Variants in CMTM8 observed in about 807,000 individuals in gnomAD.
CMTM8 encodes CKLF like MARVEL transmembrane domain containing 8, also known as CKLF-like MARVEL transmembrane domain-containing protein 8.
CMTM8 carries 12 observed loss-of-function variants against 18.6 expected under a neutral mutation model. The ratio of observed to expected loss-of-function variants is 0.65; its 90% CI spans 0.41 to 1.05. CMTM8 has a LOEUF of 1.05. CMTM8 is among the 50% of genes least tolerant of loss of function. The probability of loss-of-function intolerance (pLI) is 0.00; values close to 1 mark genes in which losing one functional copy is unlikely to be tolerated. For missense variants in CMTM8, 217 were observed against 227.2 expected (o/e 0.95, Z 0.29); for synonymous variants, 87 against 90.6 (o/e 0.96, Z 0.23).
At chr3:32,312,860 G>C (rs1695847145) in intron 1 of CMTM8, among the ~76,000 whole-genome samples, 1 of 151,794 alleles carries the variant, frequency 6.6e-6, no homozygotes. Flanking sequence ...AAAGGGGCTT[G>C]TTATTAAATA....
intron 2 of CMTM8, among the ~76,000 whole-genome samples, chr3:32,362,041 C>CTT (rs1696941813): frequency 8.5e-5 from 1 of 11,696 alleles, no homozygotes; most frequent in Non-Finnish European, 2.8e-4. Context: ...CTACTATTTT[C>CTT]TTTTCTTTTT....
intron 1 of CMTM8, among the ~76,000 whole-genome samples, chr3:32,288,658 G>A (rs1347393929): frequency 3.3e-5 from 5 of 151,914 alleles, no homozygotes; most frequent in Admixed American, 6.6e-5. Context: ...CCACCACCAC[G>A]CCCAGCTAAT....
intron 1 of CMTM8, among the ~76,000 whole-genome samples, chr3:32,324,963 C>T (rs1192987297): frequency 6.6e-6 from 1 of 152,248 alleles, no homozygotes; most frequent in Admixed American, 6.5e-5. Context: ...CTCTTGGCCT[C>T]AGCTCCCCAC....
intron 1 of CMTM8, among the ~76,000 whole-genome samples, chr3:32,341,349 C>T (rs982476809): frequency 1.1e-4 from 16 of 152,196 alleles, no homozygotes; most frequent in Non-Finnish European, 1.6e-4. Flanking sequence ...CCTAAGAACA[C>T]GGCAGGAGCC....
intron 1 of CMTM8, among the ~76,000 whole-genome samples, chr3:32,286,360 T>C (rs1702686648): frequency 6.6e-6 from 1 of 152,236 alleles, no homozygotes; most frequent in African/African-American, 2.4e-5. Flanking sequence ...AGATGTGGCC[T>C]CAGGTCCACA....
chr3:32,340,920 C>T (rs529486184), intron 1 of CMTM8, among the ~76,000 whole-genome samples: 1 of 152,204 alleles, frequency 6.6e-6, no homozygotes, highest in Non-Finnish European at 1.5e-5. Context: ...GGCAGGTGCC[C>T]ATAGCCTATT....
intron 1 of CMTM8, among the ~76,000 whole-genome samples, chr3:32,335,259 C>T (rs893652742): frequency 6.6e-6 from 1 of 152,186 alleles, no homozygotes; most frequent in African/African-American, 2.4e-5. Flanking sequence ...CCTGGGAGAG[C>T]TGAGAGAGTA....
intron 1 of CMTM8, among the ~76,000 whole-genome samples, chr3:32,245,202 C>T (rs536356139): frequency 9.2e-5 from 14 of 152,334 alleles, no homozygotes; most frequent in Non-Finnish European, 1.9e-4. Context: ...AAAAATGCTA[C>T]TTTCTGCCTT....
chr3:32,241,304 T>C (rs185084013), intron 1 of CMTM8, among the ~76,000 whole-genome samples: 11 of 152,336 alleles, frequency 7.2e-5, no homozygotes, highest in Admixed American at 6.5e-4. Flanking sequence ...ACATACCCTC[T>C]TCCTGTCTCC....
intron 1 of CMTM8, among the ~76,000 whole-genome samples, chr3:32,348,267 A>AT (rs1255159969): frequency 6.6e-6 from 1 of 152,042 alleles, no homozygotes; most frequent in African/African-American, 2.4e-5. Context: ...ATTAAAAACC[A>AT]TTCTTGTTTC....
intron 1 of CMTM8, among the ~76,000 whole-genome samples, chr3:32,299,833 C>T (rs1695579495): frequency 6.6e-6 from 1 of 152,156 alleles, no homozygotes; most frequent in South Asian, 2.1e-4. Flanking sequence ...TTTCTGCAGA[C>T]TGCCAGATAG....
intron 1 of CMTM8, among the ~76,000 whole-genome samples, chr3:32,296,297 A>G (rs537030148): frequency 2.2e-4 from 33 of 152,238 alleles, no homozygotes; most frequent in African/African-American, 7.5e-4. Context: ...ATTATAGGGT[A>G]ATTGCTGGTT....
chr3:32,296,175 G>A (rs2125559691), intron 1 of CMTM8, among the ~76,000 whole-genome samples: 1 of 150,808 alleles, frequency 6.6e-6, no homozygotes, highest in South Asian at 2.1e-4. Context: ...GTCTCACTAT[G>A]TTGCCCAGGC....
chr3:32,349,606 A>C (rs781477132), intron 1 of CMTM8, among the ~76,000 whole-genome samples: 6 of 152,108 alleles, frequency 3.9e-5, no homozygotes, highest in Non-Finnish European at 7.4e-5. Flanking sequence ...TGCCATTAAG[A>C]GTGGGGAGGT....
rs747115327 is a variant in CMTM8, at chr3:32,239,088, C to T, written c.116C>T (p.Thr39Ile). The T allele has an allele frequency of 6.2e-6, 10 of 1,601,204 alleles. No homozygotes were observed. Among genetic ancestry groups the T allele is most frequent in the Non-Finnish European group, 8.5e-6 (10 of 1,174,592 alleles). Reference sequence around the variant, plus strand: ...GCCTACGACCGGGAGTTCCTCCGCACCCTGCCCGGCTTCCTCATCGTGGCC... The same window carrying T: ...GCCTACGACCGGGAGTTCCTCCGCATCCTGCCCGGCTTCCTCATCGTGGCC... ...SFAYDREFLR[T>I]LPGFLIVAEI... The change falls in exon 1 of 4, where the codon ACC becomes ATC. Residue 39 changes from threonine to isoleucine, a missense_variant. By Grantham distance (89) the Thr-to-Ile change is moderately conservative. Transcript: ENST00000307526.
intron 1 of CMTM8, among the ~76,000 whole-genome samples, chr3:32,293,077 G>GTATATATATATA (rs61467491): frequency 2.1e-5 from 3 of 145,738 alleles, no homozygotes; most frequent in Non-Finnish European, 4.5e-5. Flanking sequence ...ATATGTGTGT[G>GTATATATATATA]TATATATATA....
At chr3:32,364,377 G>A (rs371978157) in intron 2 of CMTM8, among the ~76,000 whole-genome samples, 2 of 152,086 alleles carry the variant, frequency 1.3e-5, no homozygotes, top group East Asian at 1.9e-4. Flanking sequence ...GGTAGCATGC[G>A]CCTGTAGTCC....
intron 1 of CMTM8, among the ~76,000 whole-genome samples, chr3:32,311,665 CT>C (rs1270876410): frequency 6.6e-6 from 1 of 152,234 alleles, no homozygotes; most frequent in Non-Finnish European, 1.5e-5. Context: ...CAGCCCACTT[CT>C]GTGGCCACAT....
At chr3:32,369,569 G>A (rs890688651) in intron 3 of CMTM8, among the ~76,000 whole-genome samples, 8 of 152,048 alleles carry the variant, frequency 5.3e-5, no homozygotes, top group Admixed American at 2.0e-4. Context: ...ATTGTACCCC[G>A]GACCTAGATT....
Sources: allele counts gnomAD v4.1 joint callset (sites outside exome capture counted in the v4.1 genomes callset), GRCh38; gene constraint gnomAD v4.1.1; transcripts MANE v1.5; gene names NCBI Gene and HGNC (gene_info 2026-07-23, HGNC 2026-07-21).